PDE1C: variants seen among roughly 807,000 people sequenced by gnomAD.
PDE1C encodes the protein phosphodiesterase 1C.
PDE1C carries 62 observed loss-of-function variants against 93.1 expected under a neutral mutation model. That is an observed-to-expected ratio of 0.67 (90% CI 0.54 to 0.82). The LOEUF (loss-of-function observed/expected upper bound fraction) is 0.82. Among genes scored for constraint, PDE1C ranks in the 40% least tolerant of loss-of-function variants. PDE1C has a pLI of 0.00. For missense variants in PDE1C, 742 were observed against 884.6 expected (o/e 0.84, Z 2.04); for synonymous variants, 325 against 310.1 (o/e 1.05, Z -0.50).
chr7:31,663,504 T>A, the PDE1C span, among the ~76,000 whole-genome samples: 1 of 152,236 alleles, frequency 6.6e-6, no homozygotes, highest in African/African-American at 2.4e-5. Context: ...GCTCTTGATT[T>A]TATGCCGGAA....
intron 1 of PDE1C, among the ~76,000 whole-genome samples, chr7:32,411,948 A>G (rs972085464): frequency 3.3e-5 from 5 of 151,994 alleles, no homozygotes; most frequent in African/African-American, 1.2e-4. Flanking sequence ...TCCTAGGCCT[A>G]CGCAGGGTCA....
intron 7 of PDE1C, among the ~76,000 whole-genome samples, chr7:31,851,083 C>T (rs1047927434): frequency 5.3e-4 from 15 of 28,398 alleles, no homozygotes; most frequent in Admixed American, 1.3e-3. Flanking sequence ...CACACACACA[C>T]ACACACACAC....
intron 2 of PDE1C, among the ~76,000 whole-genome samples, chr7:32,202,237 C>T (rs1369832987): frequency 7.9e-5 from 12 of 152,150 alleles, no homozygotes; most frequent in Non-Finnish European, 1.6e-4. Flanking sequence ...ATATTAGGGA[C>T]CTAGGGATAT....
chr7:32,231,352 C>T (rs1433368677), intron 1 of PDE1C, among the ~76,000 whole-genome samples: 3 of 152,032 alleles, frequency 2.0e-5, no homozygotes, highest in Admixed American at 1.3e-4. Flanking sequence ...CACACCTTTA[C>T]ACATGTTAAC....
intron 14 of PDE1C, chr7:31,820,580 G>A (rs1391229426): frequency 6.6e-6 from 1 of 151,964 alleles, no homozygotes; most frequent in Non-Finnish European, 1.5e-5. Flanking sequence ...CATTTCCAGT[G>A]CATTTACTAA....
chr7:31,794,079 GAC>G (rs1784964614), intron 16 of PDE1C, among the ~76,000 whole-genome samples: 1 of 149,736 alleles, frequency 6.7e-6, no homozygotes, highest in South Asian at 2.1e-4. Flanking sequence ...CAGACAGACA[GAC>G]AGACAGACAG....
the PDE1C span, among the ~76,000 whole-genome samples, chr7:31,662,392 C>T: frequency 1.3e-5 from 2 of 152,294 alleles, no homozygotes; most frequent in Non-Finnish European, 2.9e-5. Context: ...TCATCTCTAA[C>T]TGTGTGTCCC....
At chr7:32,015,315 G>T (rs1407266053) in intron 2 of PDE1C, among the ~76,000 whole-genome samples, 1 of 151,898 alleles carries the variant, frequency 6.6e-6, no homozygotes, top group Non-Finnish European at 1.5e-5. Context: ...AAACCACAGG[G>T]AGGAAAATAT....
chr7:32,377,977 C>A (rs1057023164), intron 1 of PDE1C, among the ~76,000 whole-genome samples: 1 of 152,174 alleles, frequency 6.6e-6, no homozygotes, highest in African/African-American at 2.4e-5. Context: ...TTCCGTTAAT[C>A]CCTACAAGGA....
At chr7:31,880,658 A>T in intron 3 of PDE1C, 89 bp downstream of exon 3, 1 of 751,114 alleles carries the variant, frequency 1.3e-6, no homozygotes, top group Non-Finnish European at 2.3e-6. Flanking sequence ...ATGTCACCCC[A>T]TTCCTGGCAT....
the PDE1C span, among the ~76,000 whole-genome samples, chr7:31,714,225 T>G: frequency 6.6e-6 from 1 of 152,338 alleles, no homozygotes; most frequent in Middle Eastern, 3.4e-3. Flanking sequence ...AAGTTCAAAG[T>G]TCCACAAATC....
intron 2 of PDE1C, among the ~76,000 whole-genome samples, chr7:31,905,530 A>G (rs1800485427): frequency 6.6e-6 from 1 of 152,228 alleles, no homozygotes; most frequent in Non-Finnish European, 1.5e-5. Flanking sequence ...TTAACTGGAC[A>G]ATGGAAACTA....
At chr7:32,283,222 T>C (rs12540204) in intron 1 of PDE1C, among the ~76,000 whole-genome samples, 60,859 of 152,070 alleles carry the variant, frequency 0.4, 12,877 homozygotes, top group East Asian at 0.53. Context: ...TGAAGAAGAA[T>C]ATTCATATGA....
the PDE1C span, among the ~76,000 whole-genome samples, chr7:31,672,129 G>T: frequency 6.6e-6 from 1 of 152,010 alleles, no homozygotes; most frequent in Non-Finnish European, 1.5e-5. Context: ...TGACTTTTTT[G>T]TTCTCAGCAC....
intron 1 of PDE1C, among the ~76,000 whole-genome samples, chr7:32,063,798 C>T (rs1345959152): frequency 2.6e-5 from 4 of 152,198 alleles, no homozygotes; most frequent in Non-Finnish European, 5.9e-5. Flanking sequence ...TAGCATGTAG[C>T]GTCCACATCA....
At chr7:32,173,303 T>C (rs1212245905) in intron 2 of PDE1C, among the ~76,000 whole-genome samples, 1 of 151,394 alleles carries the variant, frequency 6.6e-6, no homozygotes, top group Non-Finnish European at 1.5e-5. Context: ...TGAGTAGGAG[T>C]TGAACAGTGA....
At chr7:32,309,020 A>C (rs1231389839) in intron 1 of PDE1C, among the ~76,000 whole-genome samples, 1 of 151,958 alleles carries the variant, frequency 6.6e-6, no homozygotes, top group Non-Finnish European at 1.5e-5. Context: ...AGATGAATGG[A>C]TAACTAGAAT....
upstream of PDE1C, chr7:32,299,545 T>C (rs10480100): frequency 0.032 from 12,494 of 388,616 alleles, 1,579 homozygotes; most frequent in African/African-American, 0.26. Flanking sequence ...TTGCCCAATG[T>C]GATAGACTCC....
At chr7:32,097,910 T>G (rs1797836745) in intron 3 of PDE1C, among the ~76,000 whole-genome samples, 3 of 152,174 alleles carry the variant, frequency 2.0e-5, no homozygotes, top group African/African-American at 7.2e-5. Flanking sequence ...TGAGTGCCCA[T>G]GTGCCACACT....
Sources: gnomAD v4.1 joint callset for allele counts (sites outside exome capture counted in the v4.1 genomes callset) on GRCh38, gnomAD v4.1.1 for gene constraint, MANE v1.5 for transcripts, NCBI Gene and HGNC (gene_info 2026-07-23, HGNC 2026-07-21) for gene names.